The following LEMD1 variants were observed in gnomAD, a reference collection of about 807,000 sequenced individuals.
LEMD1 encodes LEM domain containing 1, also known as LEM domain-containing protein 1.
A neutral mutation model predicts 17.4 loss-of-function variants in LEMD1; 18 were observed. The ratio of observed to expected loss-of-function variants is 1.04; its 90% CI spans 0.72 to 1.54. The LOEUF is 1.54. Among genes scored for constraint, LEMD1 ranks in the 40% most tolerant of loss-of-function variants. LEMD1 has a pLI of 0.00. For synonymous variants in LEMD1, 88 were observed against 77.8 expected, an observed-to-expected ratio of 1.13 and a Z score of -0.69; for missense variants, 195 against 210.4, an observed-to-expected ratio of 0.93 and a Z score of 0.45.
At chr1:205,411,235 GA>G (rs1410210993) in intron 4 of LEMD1, among the ~76,000 whole-genome samples, 1 of 145,910 alleles carries the variant, frequency 6.9e-6, no homozygotes, top group African/African-American at 2.5e-5. Flanking sequence ...AGGAGGGAGG[GA>G]GGGAAAGGAA....
chr1:205,443,540 T>C (rs1312221817), intron 1 of LEMD1, among the ~76,000 whole-genome samples: 2 of 152,178 alleles, frequency 1.3e-5, no homozygotes, highest in African/African-American at 2.4e-5. Context: ...CTAGGGGCTG[T>C]AGCCTGGCTC....
At chr1:205,429,581 A>G (rs1666098903) in intron 1 of LEMD1, among the ~76,000 whole-genome samples, 1 of 152,184 alleles carries the variant, frequency 6.6e-6, no homozygotes, top group Admixed American at 6.5e-5. Flanking sequence ...TAGAAGAGGC[A>G]TAAAAGATGG....
chr1:205,388,154 C>T (rs542138391), intron 4 of LEMD1, among the ~76,000 whole-genome samples: 3 of 151,974 alleles, frequency 2.0e-5, no homozygotes, highest in East Asian at 1.9e-4. Context: ...TTCTGAACAT[C>T]TATTATCTTG....
rs757524161 is a variant in LEMD1 at position 205,381,788 on chromosome 1, G to A, written c.416C>T (p.Ala139Val). 2.0e-5 allele frequency: 33 copies of A among 1,614,000 alleles called. No homozygotes were observed. Among genetic ancestry groups the A allele is most frequent in the South Asian group, 4.4e-5 (4 of 91,084 alleles). ...CCAGCTCTCGATAGTCTGGTCTTCC[G>A]CGCAGTAGTCTCTCTCTTTGGTGAT... is the stretch of plus-strand genomic sequence containing the variant. ...GTITKERDYC[A>V]EDQTIESWRE... is the part of the protein sequence containing the mutation. The change falls in exon 6 of 6, where the codon GCG becomes GTG. Residue 139 changes from alanine (A) to valine (V), a missense_variant. Coordinates refer to ENST00000367153, the MANE Select transcript of LEMD1 (RefSeq NM_001199050.2).
chr1:205,394,986 CAAAA>C (rs751367678), intron 4 of LEMD1, among the ~76,000 whole-genome samples: 2 of 120,396 alleles, frequency 1.7e-5, no homozygotes, highest in African/African-American at 6.1e-5. Flanking sequence ...GACTCCTTCT[CAAAA>C]AAAAAAAAAA....
chr1:205,401,803 C>T (rs1385794005), intron 4 of LEMD1, among the ~76,000 whole-genome samples: 3 of 152,056 alleles, frequency 2.0e-5, no homozygotes, highest in East Asian at 3.9e-4. Context: ...ATGGTAATGC[C>T]TAGGTTTTCT....
chr1:205,419,230 C>G lies in LEMD1; in HGVS notation c.205G>C (p.Glu69Gln). 4 of 1,613,956 alleles carry G rather than the reference C, an allele frequency of 2.5e-6. No individual in the cohort carries two copies. Among genetic ancestry groups the G allele is most frequent in the Non-Finnish European group, 3.4e-6 (4 of 1,179,928 alleles). ...CTAGCAGTACAGCTTATGGCGGTAC[C>G]TTCGCTGTCATCACTGTCCTGCGCT... is the stretch of plus-strand genomic sequence containing the variant. ...DGAQDSDDSE[E>Q]LNIILQGNII... Residue 69 changes from glutamate (E) to glutamine (Q), a missense_variant and splice_region_variant, in exon 3 of 6, where the codon GAG becomes CAG. Coordinates refer to ENST00000367153, the MANE Select transcript of LEMD1 (RefSeq NM_001199050.2).
chr1:205,429,460 G>GATCA (rs1295289867), intron 1 of LEMD1, among the ~76,000 whole-genome samples: 1 of 152,194 alleles, frequency 6.6e-6, no homozygotes, highest in Non-Finnish European at 1.5e-5. Flanking sequence ...GATTTGAAAG[G>GATCA]ATCAGGATTT....
At chr1:205,418,345 C>G (rs200608910) in intron 3 of LEMD1, among the ~76,000 whole-genome samples, 1 of 152,138 alleles carries the variant, frequency 6.6e-6, no homozygotes, top group East Asian at 1.9e-4. Context: ...AGCTAGAAAC[C>G]ACTGCAGGAG....
At chr1:205,415,855 G>A (rs187483638) in intron 4 of LEMD1, among the ~76,000 whole-genome samples, 2 of 152,266 alleles carry the variant, frequency 1.3e-5, no homozygotes, top group Middle Eastern at 3.4e-3. Flanking sequence ...AGATGTTAGG[G>A]GCTAGAAAAG....
In LEMD1 at chr1:205,381,382, CT is replaced by C; in HGVS notation, c.*275del. 2.2e-6 allele frequency: 1 copy of C among 454,296 alleles called. No individual in the cohort carries two copies. Among genetic ancestry groups the C allele is most frequent in the Non-Finnish European group, 4.0e-6 (1 of 250,582 alleles). 28.1% of individuals were successfully genotyped at this position (454,296 alleles called of 1,614,324 possible). A position where few individuals can be genotyped will look rare whatever the true frequency, so the allele number is the denominator to read the frequency against. On this transcript the variant is annotated 3_prime_UTR_variant, in exon 6 of 6. Transcript: ENST00000367153. ...AGAAAGAAAAACGCCAGACAGTTTC[CT>C]TGTTTGACGCCTGCTCAAATATGGA...
At chr1:205,418,993 G>A (rs924626822) in intron 3 of LEMD1, among the ~76,000 whole-genome samples, 1 of 152,194 alleles carries the variant, frequency 6.6e-6, no homozygotes, top group Non-Finnish European at 1.5e-5. Context: ...GGACATGCAC[G>A]TTGAGCAGTC....
At chr1:205,388,764 G>A (rs1306681394) in intron 4 of LEMD1, among the ~76,000 whole-genome samples, 1 of 151,914 alleles carries the variant, frequency 6.6e-6, no homozygotes, top group Admixed American at 6.6e-5. Context: ...ATTTCCTACG[G>A]AAGTAACATT....
intron 1 of LEMD1, among the ~76,000 whole-genome samples, chr1:205,421,776 T>A (rs1247874520): frequency 6.6e-6 from 1 of 152,204 alleles, no homozygotes; most frequent in Non-Finnish European, 1.5e-5. Context: ...CACCTCAGAT[T>A]TTTTTTCTTT....
At chr1:205,398,801 C>T (rs1558717121) in intron 4 of LEMD1, among the ~76,000 whole-genome samples, 1 of 152,150 alleles carries the variant, frequency 6.6e-6, no homozygotes, top group Non-Finnish European at 1.5e-5. Context: ...AGGAAGAGGG[C>T]TCTCTTGTAG....
chr1:205,432,958 C>A (rs1666148274), intron 1 of LEMD1, among the ~76,000 whole-genome samples: 1 of 152,190 alleles, frequency 6.6e-6, no homozygotes, highest in Non-Finnish European at 1.5e-5. Flanking sequence ...CTGCAGTGAG[C>A]CATGATTGTG....
chr1:205,445,096 T>C (rs1308808419), intron 1 of LEMD1, among the ~76,000 whole-genome samples: 1 of 152,108 alleles, frequency 6.6e-6, no homozygotes. Context: ...GGAGACCGGA[T>C]TTGGGGGATT....
At chr1:205,418,411 C>T (rs1446077898) in intron 3 of LEMD1, among the ~76,000 whole-genome samples, 1 of 152,174 alleles carries the variant, frequency 6.6e-6, no homozygotes, top group African/African-American at 2.4e-5. Flanking sequence ...TCCTGGAGAC[C>T]CCTGTTCCCT....
Position 205,430,744 on chromosome 1 carries a change from A to G in LEMD1, c.-38-10170T>C, listed in dbSNP as rs367585872. Reference sequence around the variant, plus strand: ...CCGGGGGACCCCCAAGCAGCCGGCGAGGCGCACTGCGCACGCGCACTCAGG... The same window carrying G: ...CCGGGGGACCCCCAAGCAGCCGGCGGGGCGCACTGCGCACGCGCACTCAGG... On this transcript the variant is annotated intron_variant, in intron 1 of 3. Transcript: ENST00000367154. Among the ~76,000 whole-genome samples, 219 of 152,336 alleles carry G rather than the reference A, an allele frequency of 1.4e-3. 2 individuals carry two copies. Among genetic ancestry groups the G allele is most frequent in the African/African-American group, 5.1e-3 (213 of 41,578 alleles).
Sources: gnomAD v4.1 joint callset for allele counts (sites outside exome capture counted in the v4.1 genomes callset) on GRCh38, gnomAD v4.1.1 for gene constraint, MANE v1.5 for transcripts, NCBI Gene and HGNC (gene_info 2026-07-23, HGNC 2026-07-21) for gene names.